The following CEP20 variants were observed in gnomAD, a reference collection of about 807,000 sequenced individuals.
CEP20 encodes centrosomal protein 20, also known as FGFR1OP N-terminal like.
A neutral mutation model predicts 20.0 loss-of-function variants in CEP20; 18 were observed. That is an observed-to-expected ratio of 0.90 (90% CI 0.62 to 1.34). CEP20 has a LOEUF of 1.34. CEP20 is among the 40% of genes most tolerant of loss of function. The pLI is 0.00. For synonymous variants in CEP20, 77 were observed against 73.7 expected (o/e 1.04, Z -0.23); for missense variants, 215 against 201.6 (o/e 1.07, Z -0.40).
At chr16:15,876,252 A>C (rs2044944741) in intron 3 of CEP20, among the ~76,000 whole-genome samples, 1 of 150,716 alleles carries the variant, frequency 6.6e-6, no homozygotes, top group South Asian at 2.1e-4. Context: ...CCGAGGCAGG[A>C]GGATCATGAG....
rs539485288 is a variant in CEP20, at chr16:15,866,474, A to G, written c.*966T>C. On this transcript the variant is annotated 3_prime_UTR_variant, in exon 5 of 5. Transcript: ENST00000255759. ...AATGAAATGAGCCTGTGGACACTAC[A>G]TTAAAAATACTTCTTTAATAAATAT... The G allele has an allele frequency of 3.9e-5, 6 of 152,382 alleles. No homozygotes were observed. Among genetic ancestry groups the G allele is most frequent in the African/African-American group, 1.4e-4 (6 of 41,590 alleles). 9.4% of individuals were successfully genotyped at this position (152,382 alleles called of 1,614,324 possible). A position where few individuals can be genotyped will look rare whatever the true frequency, so the allele number is the denominator to read the frequency against.
At chr16:15,869,727 A>T (rs1001076580) in intron 4 of CEP20, among the ~76,000 whole-genome samples, 9 of 152,090 alleles carry the variant, frequency 5.9e-5, no homozygotes, top group Non-Finnish European at 1.3e-4. Flanking sequence ...TATCTTCATA[A>T]CCTTTTCAAT....
chr16:15,875,565 C>T (rs991150108), intron 3 of CEP20, among the ~76,000 whole-genome samples: 5 of 152,186 alleles, frequency 3.3e-5, no homozygotes, highest in South Asian at 2.1e-4. Context: ...GTGAGAGGAT[C>T]GCTTGAGTGC....
intron 4 of CEP20, among the ~76,000 whole-genome samples, chr16:15,871,428 C>G (rs2044815713): frequency 6.6e-6 from 1 of 152,000 alleles, no homozygotes; most frequent in Non-Finnish European, 1.5e-5. Flanking sequence ...GAACTTTTTA[C>G]TATTTAAAAA....
chr16:15,867,869 A>G (rs1299815912), intron 4 of CEP20, among the ~76,000 whole-genome samples: 2 of 149,248 alleles, frequency 1.3e-5, no homozygotes. Flanking sequence ...GCTACTCGGG[A>G]GGCTGAGGCA....
chr16:15,868,939 C>G (rs2044747676), intron 4 of CEP20, among the ~76,000 whole-genome samples: 1 of 151,248 alleles, frequency 6.6e-6, no homozygotes, highest in Non-Finnish European at 1.5e-5. Context: ...GAATGTAGTC[C>G]CAGCTGTAGT....
At chr16:15,881,775 C>T (rs940829645) in intron 2 of CEP20, among the ~76,000 whole-genome samples, 1 of 152,102 alleles carries the variant, frequency 6.6e-6, no homozygotes. Flanking sequence ...AAAATATTCT[C>T]ACCACTCAAT....
intron 4 of CEP20, among the ~76,000 whole-genome samples, chr16:15,872,870 T>C (rs2044854023): frequency 6.6e-6 from 1 of 152,078 alleles, no homozygotes; most frequent in Non-Finnish European, 1.5e-5. Context: ...ATCTGTAACT[T>C]GTAGGTAACT....
At chr16:15,874,936 A>G (rs979714004) in intron 3 of CEP20, among the ~76,000 whole-genome samples, 9 of 152,202 alleles carry the variant, frequency 5.9e-5, no homozygotes, top group Non-Finnish European at 1.2e-4. Flanking sequence ...TACATGCAGT[A>G]AGGAATTGAG....
At chr16:15,871,347 C>T (rs961099566) in intron 4 of CEP20, among the ~76,000 whole-genome samples, 2 of 149,878 alleles carry the variant, frequency 1.3e-5, no homozygotes, top group Non-Finnish European at 3.0e-5. Context: ...CTAACAGGGA[C>T]ACCTTCTATA....
chr16:15,887,464 G>A (rs1399064041), intron 1 of CEP20, among the ~76,000 whole-genome samples: 1 of 152,208 alleles, frequency 6.6e-6, no homozygotes, highest in Non-Finnish European at 1.5e-5. Flanking sequence ...CTTGCTCAGT[G>A]ATTAAGACCT....
At chr16:15,875,213 G>A (rs571130800) in intron 3 of CEP20, among the ~76,000 whole-genome samples, 16 of 152,176 alleles carry the variant, frequency 1.1e-4, no homozygotes, top group Non-Finnish European at 2.1e-4. Flanking sequence ...TTAATAAGAT[G>A]CCGCAACTCT....
chr16:15,873,436 T>A, intron 4 of CEP20, 55 bp downstream of exon 4: 1 of 1,570,586 alleles, frequency 6.4e-7, no homozygotes, highest in Non-Finnish European at 8.6e-7. Flanking sequence ...GAAAAATATA[T>A]AGGAAGAAAA....
At position 15,866,575 on chromosome 16, in the gene CEP20, G is replaced by A. The variant is rs1471105596; in HGVS notation, c.*865C>T. 4 of 152,022 alleles carry A rather than the reference G, an allele frequency of 2.6e-5. No homozygotes were observed. Among genetic ancestry groups the A allele is most frequent in the Non-Finnish European group, 4.4e-5 (3 of 68,012 alleles). The allele number at this position is 152,022 out of a possible 1,614,324, so 9.4% of individuals were successfully genotyped here. A position where few individuals can be genotyped will look rare whatever the true frequency, so the allele number is the denominator to read the frequency against. ...AAAATTGATGTTTGGTAAGAGTTTCGGAGCCCAAACAAGTAGGGGGCTGGC... is the reference window on the plus strand; with the variant it reads ...AAAATTGATGTTTGGTAAGAGTTTCAGAGCCCAAACAAGTAGGGGGCTGGC... On this transcript the variant is annotated 3_prime_UTR_variant, in exon 5 of 5. Transcript: ENST00000255759.
intron 1 of CEP20, chr16:15,884,973 C>T (rs2151432763): frequency 6.6e-6 from 1 of 152,090 alleles, no homozygotes; most frequent in African/African-American, 2.4e-5. Flanking sequence ...TTAAAGAAAA[C>T]AACTACATTC....
intron 2 of CEP20, among the ~76,000 whole-genome samples, chr16:15,882,324 G>A (rs796284266): frequency 5.3e-5 from 8 of 152,244 alleles, no homozygotes; most frequent in African/African-American, 1.9e-4. Flanking sequence ...GGCGGATCAC[G>A]AGGTCAGGAG....
At chr16:15,883,080 G>C (rs576999288) in intron 2 of CEP20, 2 of 151,982 alleles carry the variant, frequency 1.3e-5, no homozygotes, top group South Asian at 4.2e-4. Context: ...AAAAGACAGG[G>C]GTTGGGTGCA....
intron 1 of CEP20, among the ~76,000 whole-genome samples, chr16:15,887,947 G>C (rs772992644): frequency 2.0e-5 from 3 of 151,792 alleles, no homozygotes; most frequent in Non-Finnish European, 4.4e-5. Context: ...GCGTAGTGAA[G>C]AGCCCCTGTA....
rs551337159 is a variant in CEP20 at position 15,874,829 on chromosome 16, G to A, written c.312-1202C>T. On this transcript the variant is annotated intron_variant, in intron 3 of 4. Coordinates refer to ENST00000255759, the MANE Select transcript of CEP20 (RefSeq NM_144600.4). The stretch of plus-strand genomic sequence containing the variant: ...ACAAAGCTGACTTCAGAGGCCACGT[G>A]GTAATGGCCCTGCAGCTTCCTCCTT... Among the ~76,000 whole-genome samples, 47 of 152,254 alleles carry A rather than the reference G, an allele frequency of 3.1e-4. 1 individual carries two copies. In the South Asian group the frequency reaches 9.7e-3, roughly 32 times the overall value.
Sources: gnomAD v4.1 joint callset for allele counts (sites outside exome capture counted in the v4.1 genomes callset) on GRCh38, gnomAD v4.1.1 for gene constraint, MANE v1.5 for transcripts, NCBI Gene and HGNC (gene_info 2026-07-23, HGNC 2026-07-21) for gene names.